The following SAA2 variants were observed in gnomAD, a reference collection of about 807,000 sequenced individuals.
SAA2 encodes serum amyloid A-2 protein.
Under a neutral mutation model 9.1 loss-of-function variants are expected in SAA2, and 5 were observed. The ratio of observed to expected loss-of-function variants is 0.55; its 90% confidence interval spans 0.29 to 1.16. SAA2 has a LOEUF of 1.16. Among genes scored for constraint, SAA2 ranks in the 50% most tolerant of loss-of-function variants. SAA2 has a pLI of 0.09. For missense variants in SAA2, 94 were observed against 153.8 expected (o/e 0.61, Z 2.06); for synonymous variants, 49 against 59.8 (o/e 0.82, Z 0.83).
At chr11:18,245,832 G>T in intron 3 of SAA2, 78 bp downstream of exon 3, 2 of 1,504,816 alleles carry the variant, frequency 1.3e-6, no homozygotes, top group Non-Finnish European at 8.9e-7. Flanking sequence ...TCTCCACAAG[G>T]AGCTCGTCTC....
chr11:18,240,000 T>A (rs1460586815), intron 3 of SAA2: 1 of 1,550,448 alleles, frequency 6.4e-7, no homozygotes, highest in South Asian at 1.2e-5. Context: ...GGAGAAAAAG[T>A]CATATACACG....
At chr11:18,239,938 C>A (rs1857293601) in exon 4 of SAA2, 1 of 1,550,186 alleles carries the variant, frequency 6.5e-7, no homozygotes, top group East Asian at 2.4e-5. Flanking sequence ...AAGGCTTCTT[C>A]CTTCACTCTC....
At chr11:18,242,207 G>A (rs751931967), downstream of SAA2, 2 of 152,166 alleles carry the variant, frequency 1.3e-5, no homozygotes, top group African/African-American at 2.4e-5. Flanking sequence ...GAAGTCCCAC[G>A]ATCTGCCCTC....
At chr11:18,239,602 C>G (rs1857285369) in exon 4 of SAA2, 1 of 406,232 alleles carries the variant, frequency 2.5e-6, no homozygotes, top group African/African-American at 2.1e-5. Flanking sequence ...GTGAACTCCT[C>G]AACTGCTAAG....
downstream of SAA2, among the ~76,000 whole-genome samples, chr11:18,241,736 C>T (rs1857352754): frequency 6.6e-6 from 1 of 152,068 alleles, no homozygotes; most frequent in Admixed American, 6.6e-5. Flanking sequence ...ATAATGGACA[C>T]TGGAGACTCA....
chr11:18,242,013 T>C (rs1857359749), downstream of SAA2: 2 of 152,162 alleles, frequency 1.3e-5, no homozygotes, highest in South Asian at 4.1e-4. Context: ...TGTTTAAAAA[T>C]AACAAGCAGC....
intron 3 of SAA2, chr11:18,240,005 T>C (rs967038866): frequency 5.2e-6 from 8 of 1,550,060 alleles, no homozygotes; most frequent in Non-Finnish European, 5.2e-6. Flanking sequence ...AAAAGTCATA[T>C]ACACGTATTT....
At chr11:18,244,098 T>G (rs985711242), downstream of SAA2, among the ~76,000 whole-genome samples, 3 of 152,244 alleles carry the variant, frequency 2.0e-5, no homozygotes, top group African/African-American at 7.2e-5. Context: ...CCAAGACAGT[T>G]TCCTGACAAT....
At chr11:18,247,415 C>T (rs1286455225) in intron 2 of SAA2, among the ~76,000 whole-genome samples, 29 of 148,838 alleles carry the variant, frequency 1.9e-4, no homozygotes, top group African/African-American at 7.0e-4. Context: ...CAATTGCAGG[C>T]CTTATTTTGC....
downstream of SAA2, among the ~76,000 whole-genome samples, chr11:18,241,885 A>G (rs531021676): frequency 6.6e-6 from 1 of 152,220 alleles, no homozygotes; most frequent in South Asian, 2.1e-4. Flanking sequence ...CTGTACTTGT[A>G]CCCCCTAAAT....
chr11:18,243,740 T>C (rs1857416749), downstream of SAA2, among the ~76,000 whole-genome samples: 1 of 152,250 alleles, frequency 6.6e-6, no homozygotes, highest in East Asian at 1.9e-4. Context: ...AATTTGTCTT[T>C]ACTCTGTAAA....
intron 2 of SAA2, among the ~76,000 whole-genome samples, chr11:18,246,386 A>C (rs1161672242): frequency 6.6e-6 from 1 of 152,148 alleles, no homozygotes; most frequent in Non-Finnish European, 1.5e-5. Flanking sequence ...TATTCTTGCA[A>C]ATGGAATACA....
downstream of SAA2, chr11:18,242,656 G>C (rs2134136344): frequency 3.2e-6 from 2 of 626,330 alleles, no homozygotes; most frequent in Non-Finnish European, 5.8e-6. Context: ...GACCAGCCTG[G>C]GTGACACGGC....
At chr11:18,243,413 C>A (rs1393416595), downstream of SAA2, among the ~76,000 whole-genome samples, 1 of 152,156 alleles carries the variant, frequency 6.6e-6, no homozygotes, top group Non-Finnish European at 1.5e-5. Flanking sequence ...TAAGCATTTA[C>A]AATTGCTATT....
At chr11:18,243,983 T>C (rs1456149243), downstream of SAA2, among the ~76,000 whole-genome samples, 2 of 152,164 alleles carry the variant, frequency 1.3e-5, no homozygotes, top group African/African-American at 4.8e-5. Context: ...AAGACATCTT[T>C]TCCTGTTCTT....
downstream of SAA2, chr11:18,242,538 C>A: frequency 4.1e-6 from 2 of 488,628 alleles, no homozygotes; most frequent in Non-Finnish European, 7.2e-6. Context: ...CAGCCTCAAA[C>A]CGACACAAAA....
In SAA2 at chr11:18,245,412, G is replaced by C; in HGVS notation, c.334C>G (p.His112Asp). ...KWGRSGRDPN[H>D]FRPAGLPEKY ...TCAGGCAGGCCAGCAGGTCGGAAGT[G>C]ATTGGGGTCTCTGCCACTCCTGCCC... Residue 112 changes from histidine to aspartate, a missense_variant, in exon 4 of 4, where the codon CAC becomes GAC. His to Asp is a moderately conservative substitution (Grantham distance 81). Transcript: ENST00000256733. 1 of 1,614,270 alleles carries C rather than the reference G, an allele frequency of 6.2e-7. No individual in the cohort carries two copies. The highest frequency in any genetic ancestry group is 8.5e-7 in the Non-Finnish European group (1 of 1,180,046).
downstream of SAA2, among the ~76,000 whole-genome samples, chr11:18,241,002 A>T (rs1857328879): frequency 6.6e-6 from 1 of 152,222 alleles, no homozygotes; most frequent in Non-Finnish European, 1.5e-5. Flanking sequence ...TTCTACAAGG[A>T]ACTCAGACAA....
downstream of SAA2, chr11:18,242,502 G>A (rs1163277846): frequency 1.7e-5 from 7 of 417,260 alleles, no homozygotes; most frequent in South Asian, 2.3e-4. Flanking sequence ...CCTCACAGAC[G>A]ACCCCAGAAA....
Sources: allele counts gnomAD v4.1 joint callset (sites outside exome capture counted in the v4.1 genomes callset), GRCh38; gene constraint gnomAD v4.1.1; transcripts MANE v1.5; gene names NCBI Gene and HGNC (gene_info 2026-07-23, HGNC 2026-07-21).